Variants in CRACD observed in about 807,000 individuals in gnomAD.
CRACD encodes the protein capping protein inhibiting regulator of actin dynamics.
CRACD carries 56 observed loss-of-function variants against 106.8 expected under a neutral mutation model. That is an observed-to-expected ratio of 0.52 (90% CI 0.42 to 0.66). The LOEUF is 0.66. Among genes scored for constraint, CRACD ranks in the 30% least tolerant of loss-of-function variants. The pLI, the probability that CRACD is intolerant of heterozygous loss-of-function variation, is 0.00. For missense variants in CRACD, 1,730 were observed against 1,623.2 expected (o/e 1.07, Z -1.13); for synonymous variants, 754 against 670.8 (o/e 1.12, Z -1.92).
At chr4:56,173,870 A>G (rs1577711544) in intron 1 of CRACD, among the ~76,000 whole-genome samples, 1 of 152,174 alleles carries the variant, frequency 6.6e-6, no homozygotes, top group Admixed American at 6.5e-5. Flanking sequence ...ATTTTTCTGC[A>G]TCCTCACCAA....
intron 1 of CRACD, among the ~76,000 whole-genome samples, chr4:56,120,752 C>T (rs1398438501): frequency 6.6e-6 from 1 of 152,158 alleles, no homozygotes; most frequent in East Asian, 1.9e-4. Flanking sequence ...TTTTAAATAT[C>T]CATGTATAAA....
chr4:56,286,593 C>T (rs2109687741), intron 3 of CRACD, among the ~76,000 whole-genome samples: 1 of 146,728 alleles, frequency 6.8e-6, no homozygotes, highest in South Asian at 2.2e-4. Context: ...AAAGATGCAA[C>T]TTGGAGATCA....
intron 2 of CRACD, among the ~76,000 whole-genome samples, chr4:56,245,351 ATC>A (rs2109572853): frequency 6.6e-6 from 1 of 152,312 alleles, no homozygotes; most frequent in East Asian, 1.9e-4. Flanking sequence ...AGAATGTCTA[ATC>A]TCAGAATCCC....
intron 2 of CRACD, among the ~76,000 whole-genome samples, chr4:56,180,225 C>T (rs1275471985): frequency 6.6e-6 from 1 of 152,026 alleles, no homozygotes; most frequent in Non-Finnish European, 1.5e-5. Flanking sequence ...GGCACGTTGG[C>T]TCACGTCTGT....
Position 56,316,002 on chromosome 4 carries a change from G to T in CRACD, c.2500G>T (p.Val834Leu). Residue 834 changes from valine to leucine, a missense_variant, in exon 8 of 11, where the codon GTG (valine) becomes TTG (leucine). Val to Leu is a conservative substitution (Grantham distance 32). Around this residue, in one of 5 missense-constraint regions of CRACD, gnomAD observed 1,620 missense variants for 1,481.6 expected, o/e 1.09. Transcript: ENST00000682029. Reference sequence around the variant, plus strand: ...AAACGGGATAGCAAAGCCAGACCCTGTGATGCCAGGTGGAGAGGAAAAAGC... The same window carrying T: ...AAACGGGATAGCAAAGCCAGACCCTTTGATGCCAGGTGGAGAGGAAAAAGC... ...TANGIAKPDP[V>L]MPGGEEKASP... The T allele has an allele frequency of 6.2e-7, 1 of 1,614,256 alleles. No individual in the cohort carries two copies. The highest frequency in any genetic ancestry group is 1.1e-5 in the South Asian group (1 of 91,086).
At chr4:56,105,043 G>A (rs1733904089) in intron 1 of CRACD, among the ~76,000 whole-genome samples, 1 of 150,446 alleles carries the variant, frequency 6.6e-6, no homozygotes, top group Non-Finnish European at 1.5e-5. Flanking sequence ...AATTAAAATA[G>A]AAAATACTTG....
chr4:56,072,158 A>T (rs1349521734), intron 1 of CRACD, among the ~76,000 whole-genome samples: 2 of 151,750 alleles, frequency 1.3e-5, no homozygotes, highest in East Asian at 1.9e-4. Flanking sequence ...AAGTTTCAGA[A>T]TTGGGACATT....
At chr4:56,265,778 A>G (rs1177438008) in intron 2 of CRACD, among the ~76,000 whole-genome samples, 2 of 152,228 alleles carry the variant, frequency 1.3e-5, no homozygotes, top group Non-Finnish European at 2.9e-5. Context: ...GGAGTAAGAC[A>G]TTTATGATGC....
intron 1 of CRACD, among the ~76,000 whole-genome samples, chr4:56,119,951 C>A (rs1198183761): frequency 6.6e-6 from 1 of 152,186 alleles, no homozygotes; most frequent in Admixed American, 6.5e-5. Context: ...TTTCCACCAT[C>A]CCATAGCTGA....
chr4:56,248,247 A>G (rs1163123175), intron 2 of CRACD, among the ~76,000 whole-genome samples: 1 of 152,220 alleles, frequency 6.6e-6, no homozygotes, highest in East Asian at 1.9e-4. Flanking sequence ...ATTTCTCAAA[A>G]TAATTTGTCC....
intron 2 of CRACD, among the ~76,000 whole-genome samples, chr4:56,270,752 A>T (rs1203606437): frequency 6.6e-6 from 1 of 152,132 alleles, no homozygotes; most frequent in East Asian, 1.9e-4. Flanking sequence ...TAATATTTAT[A>T]AAGTTCTTAG....
chr4:56,123,667 T>A (rs929484695), intron 1 of CRACD, among the ~76,000 whole-genome samples: 7 of 152,124 alleles, frequency 4.6e-5, no homozygotes, highest in Non-Finnish European at 8.8e-5. Flanking sequence ...TCAAACAATT[T>A]GCCCCAAATT....
At chr4:56,061,262 C>T (rs991010056) in intron 1 of CRACD, among the ~76,000 whole-genome samples, 24 of 152,266 alleles carry the variant, frequency 1.6e-4, no homozygotes, top group East Asian at 9.6e-4. Context: ...CCTCGACCTC[C>T]GGGGCTCAAA....
intron 2 of CRACD, among the ~76,000 whole-genome samples, chr4:56,228,672 A>G (rs1739449822): frequency 1.3e-5 from 2 of 151,638 alleles, no homozygotes; most frequent in Admixed American, 6.6e-5. Context: ...GGAAGCAGCT[A>G]GTGTGGGTTG....
rs538761131 is a variant in CRACD, at chr4:56,151,083, G to T, written c.-335-28201G>T. On this transcript the variant is annotated intron_variant, in intron 1 of 10. Transcript: ENST00000682029. ...ATGATCTCGGCTCACTGCAACTTCT[G>T]CCTCCCGGGTTCCAGCAATTCTCCT... Among the ~76,000 whole-genome samples the T allele has an allele frequency of 1.2e-4, 19 of 152,238 alleles. No homozygotes were observed. In the East Asian group the frequency reaches 3.3e-3, roughly 26 times the overall value.
At chr4:56,111,324 A>T (rs1734114968) in intron 1 of CRACD, among the ~76,000 whole-genome samples, 2 of 151,900 alleles carry the variant, frequency 1.3e-5, no homozygotes, top group African/African-American at 4.8e-5. Flanking sequence ...GAAAGAAACA[A>T]CTAAAAGATG....
intron 10 of CRACD, among the ~76,000 whole-genome samples, chr4:56,326,047 G>A (rs1746423380): frequency 6.6e-6 from 1 of 152,132 alleles, no homozygotes; most frequent in South Asian, 2.1e-4. Context: ...AAGTAGCTGG[G>A]AGTACAGGCA....
intron 1 of CRACD, among the ~76,000 whole-genome samples, chr4:56,116,852 C>T (rs1292882369): frequency 2.0e-5 from 3 of 151,338 alleles, no homozygotes; most frequent in Admixed American, 1.3e-4. Context: ...GGATTACAGG[C>T]GCACGGCACC....
intron 2 of CRACD, among the ~76,000 whole-genome samples, chr4:56,211,017 T>C (rs1738375120): frequency 6.6e-6 from 1 of 152,196 alleles, no homozygotes; most frequent in South Asian, 2.1e-4. Context: ...AATATTGAAA[T>C]CTTTTTAGAC....
Sources: allele counts gnomAD v4.1 joint callset (sites outside exome capture counted in the v4.1 genomes callset), GRCh38; gene constraint gnomAD v4.1.1; regional missense constraint gnomAD v4.1.1; transcripts MANE v1.5; gene names NCBI Gene and HGNC (gene_info 2026-07-23, HGNC 2026-07-21).